The following SNX29 variants were observed in gnomAD, a reference collection of about 807,000 sequenced individuals.
SNX29 encodes the protein sorting nexin 29, also known as sorting nexin-29.
In SNX29, 78 loss-of-function variants were observed where a neutral mutation model predicts 102.1. The observed-to-expected ratio is 0.76, with a 90% CI of 0.64 to 0.92. SNX29 has a LOEUF of 0.92. Ranked by LOEUF, SNX29 falls within the 40% of genes least tolerant of loss-of-function variation. The pLI is 0.00. For synonymous variants in SNX29, 580 were observed against 414.5 expected (o/e 1.40, Z -4.85); for missense variants, 1,280 against 1,061.7 (o/e 1.21, Z -2.86).
intron 19 of SNX29, among the ~76,000 whole-genome samples, chr16:12,523,967 G>C (rs1238515568): frequency 6.6e-6 from 1 of 152,102 alleles, no homozygotes; most frequent in African/African-American, 2.4e-5. Flanking sequence ...GCTCACCACA[G>C]CCTCTGCCTC....
At chr16:12,564,504 A>C (rs556412942) in intron 20 of SNX29, among the ~76,000 whole-genome samples, 2 of 152,234 alleles carry the variant, frequency 1.3e-5, no homozygotes, top group Non-Finnish European at 2.9e-5. Flanking sequence ...TCTTAACAGA[A>C]GGAACTCAAG....
chr16:11,996,630 G>T (rs1349250097), intron 1 of SNX29, among the ~76,000 whole-genome samples: 1 of 152,166 alleles, frequency 6.6e-6, no homozygotes, highest in African/African-American at 2.4e-5. Context: ...TTTCCAGTTG[G>T]CATTGCTCAA....
intron 20 of SNX29, among the ~76,000 whole-genome samples, 169 bp downstream of exon 20, chr16:12,525,010 C>CGCTTT (rs1371144065): frequency 6.6e-6 from 1 of 152,116 alleles, no homozygotes. Flanking sequence ...TGGGTCTCAG[C>CGCTTT]GCTTTGGAGC....
chr16:12,320,248 T>A (rs1045723627), intron 15 of SNX29, among the ~76,000 whole-genome samples: 1 of 152,106 alleles, frequency 6.6e-6, no homozygotes, highest in Non-Finnish European at 1.5e-5. Context: ...AGCTGGAGAC[T>A]TGGGCAGGAG....
intron 20 of SNX29, among the ~76,000 whole-genome samples, chr16:12,538,441 C>T (rs1482005872): frequency 6.6e-6 from 1 of 152,132 alleles, no homozygotes; most frequent in Non-Finnish European, 1.5e-5. Flanking sequence ...AGAATGGTTA[C>T]TTGGTTTGGT....
At chr16:12,428,289 A>G (rs59179276) in intron 18 of SNX29, among the ~76,000 whole-genome samples, 2 of 152,290 alleles carry the variant, frequency 1.3e-5, no homozygotes, top group African/African-American at 2.4e-5. Flanking sequence ...AACAGAGACA[A>G]TTTGGACATT....
At chr16:12,414,423 C>T (rs2084539526) in intron 18 of SNX29, among the ~76,000 whole-genome samples, 1 of 152,198 alleles carries the variant, frequency 6.6e-6, no homozygotes, top group East Asian at 1.9e-4. Context: ...ATCCTCTTTT[C>T]ACCAAGTCAT....
intron 11 of SNX29, among the ~76,000 whole-genome samples, chr16:12,108,344 G>A (rs2053354353): frequency 1.3e-5 from 2 of 152,202 alleles, no homozygotes; most frequent in African/African-American, 4.8e-5. Context: ...AGGCCAGGGG[G>A]AGACTCCATG....
chr16:12,023,846 C>G (rs1474475346), intron 3 of SNX29, among the ~76,000 whole-genome samples: 1 of 152,152 alleles, frequency 6.6e-6, no homozygotes, highest in African/African-American at 2.4e-5. Flanking sequence ...AGTTTTAACT[C>G]ACCTGGATTC....
In SNX29 at chr16:12,006,627, CT is replaced by C. The variant is rs893975035; in HGVS notation, c.122+3595del. Among the ~76,000 whole-genome samples the C allele has an allele frequency of 6.3e-3, 913 of 144,030 alleles. 9 individuals are homozygous for C. The highest frequency in any genetic ancestry group is 0.021 in the African/African-American group (819 of 39,660). 94.5% of individuals were successfully genotyped at this position (144,030 alleles called of 152,430 possible). On this transcript the variant is annotated intron_variant, in intron 3 of 20. Coordinates refer to ENST00000566228, the MANE Select transcript of SNX29 (RefSeq NM_032167.5). ...AGAAGGAGCAGAAGTATTACCCTTTCTTTTTTTTTTTGAGACAGGGTCTTGC... is the reference window on the plus strand; with the variant it reads ...AGAAGGAGCAGAAGTATTACCCTTTCTTTTTTTTTTGAGACAGGGTCTTGC...
chr16:12,151,771 T>G (rs952001322), intron 13 of SNX29, among the ~76,000 whole-genome samples: 1 of 152,240 alleles, frequency 6.6e-6, no homozygotes, highest in African/African-American at 2.4e-5. Context: ...AGCCTCACTC[T>G]GACACCCAGG....
rs544273559 is a variant in SNX29 at position 12,132,157 on chromosome 16, G to A, written c.1595+2399G>A. On this transcript the variant is annotated intron_variant, in intron 13 of 20. Transcript: ENST00000566228. ...TGTCGTGCCCAGGCTGGAGTGCAGT[G>A]GCATGATCTCGGCTCACTGCAACCT... 5.3e-5 allele frequency among the ~76,000 whole-genome samples: 8 copies of A among 151,046 alleles called. No individual in the cohort carries two copies. The South Asian group carries it at 1.7e-3, about 32-fold the overall frequency.
chr16:12,532,150 C>T (rs74009121), intron 20 of SNX29, among the ~76,000 whole-genome samples: 3,122 of 152,300 alleles, frequency 0.02, 114 homozygotes, highest in African/African-American at 0.07. Flanking sequence ...CATGCTGTAA[C>T]TGTGTGTTCC....
chr16:12,174,734 C>G (rs992725427), intron 13 of SNX29, among the ~76,000 whole-genome samples: 5 of 152,104 alleles, frequency 3.3e-5, no homozygotes, highest in African/African-American at 1.2e-4. Flanking sequence ...AAATGATGAA[C>G]AATAAAAAGA....
intron 1 of SNX29, among the ~76,000 whole-genome samples, chr16:11,992,451 TA>T: frequency 6.6e-6 from 1 of 152,288 alleles, no homozygotes; most frequent in Non-Finnish European, 1.5e-5. Context: ...GGAAACTCCA[TA>T]TCCATTAAGC....
At chr16:12,527,070 G>C in intron 20 of SNX29, 1 of 435,900 alleles carries the variant, frequency 2.3e-6, no homozygotes, top group Non-Finnish European at 4.4e-6. Flanking sequence ...TGTTGGTCTA[G>C]ACCCCAGTTG....
At chr16:12,229,642 A>G (rs1205602584) in intron 14 of SNX29, among the ~76,000 whole-genome samples, 1 of 152,098 alleles carries the variant, frequency 6.6e-6, no homozygotes, top group Non-Finnish European at 1.5e-5. Context: ...AGAAAAATCA[A>G]GGAAGATAAG....
chr16:12,503,657 G>A (rs1481891696), intron 19 of SNX29, among the ~76,000 whole-genome samples: 2 of 152,090 alleles, frequency 1.3e-5, no homozygotes, highest in Non-Finnish European at 2.9e-5. Context: ...CCAGCAGAAC[G>A]GGGTCTCCTC....
intron 13 of SNX29, among the ~76,000 whole-genome samples, chr16:12,141,824 T>A (rs1475350385): frequency 1.3e-5 from 2 of 152,182 alleles, no homozygotes; most frequent in Non-Finnish European, 2.9e-5. Context: ...AGCATCCTGT[T>A]TTATCGTCAT....
Sources: gnomAD v4.1 joint callset for allele counts (sites outside exome capture counted in the v4.1 genomes callset) on GRCh38, gnomAD v4.1.1 for gene constraint, MANE v1.5 for transcripts, NCBI Gene and HGNC (gene_info 2026-07-23, HGNC 2026-07-21) for gene names.